Variants in SLC9A9 observed in about 807,000 individuals in gnomAD.
The protein encoded by SLC9A9 is sodium/hydrogen exchanger 9.
In SLC9A9, 62 loss-of-function variants were observed where a neutral mutation model predicts 77.8. The ratio of observed to expected loss-of-function variants is 0.80; its 90% CI spans 0.65 to 0.98. The LOEUF (loss-of-function observed/expected upper bound fraction) is 0.98. Among genes scored for constraint, SLC9A9 ranks in the 50% least tolerant of loss-of-function variants. The pLI is 0.00. For missense variants in SLC9A9, 775 were observed against 774.9 expected, an observed-to-expected ratio of 1.00 and a Z score of 0.00; for synonymous variants, 320 against 283.5, an observed-to-expected ratio of 1.13 and a Z score of -1.29.
intron 4 of SLC9A9, among the ~76,000 whole-genome samples, chr3:143,730,927 G>C (rs1438486036): frequency 6.6e-6 from 1 of 152,090 alleles, no homozygotes; most frequent in Non-Finnish European, 1.5e-5. Flanking sequence ...AAAAAATCTT[G>C]GCTCACATTG....
At chr3:143,318,348 G>T (rs2031300336) in intron 14 of SLC9A9, among the ~76,000 whole-genome samples, 1 of 152,150 alleles carries the variant, frequency 6.6e-6, no homozygotes, top group African/African-American at 2.4e-5. Context: ...AAATAGATAA[G>T]CAAGTATTTT....
chr3:143,486,343 T>C (rs1559936373), intron 11 of SLC9A9, among the ~76,000 whole-genome samples: 1 of 151,978 alleles, frequency 6.6e-6, no homozygotes, highest in Non-Finnish European at 1.5e-5. Flanking sequence ...TAATACTAAG[T>C]AGTAACTTGA....
chr3:143,521,594 T>G (rs757888579), intron 9 of SLC9A9, among the ~76,000 whole-genome samples: 2 of 152,166 alleles, frequency 1.3e-5, no homozygotes, highest in African/African-American at 4.8e-5. Context: ...TCTATACTTT[T>G]ATATTTGTTG....
intron 14 of SLC9A9, among the ~76,000 whole-genome samples, chr3:143,362,523 C>G (rs1308883381): frequency 6.6e-6 from 1 of 152,074 alleles, no homozygotes; most frequent in African/African-American, 2.4e-5. Context: ...CCTCCCCTCC[C>G]CTGTCCATTT....
intron 12 of SLC9A9, among the ~76,000 whole-genome samples, chr3:143,416,048 C>T (rs1393479348): frequency 6.6e-6 from 1 of 152,102 alleles, no homozygotes; most frequent in African/African-American, 2.4e-5. Flanking sequence ...GGAAGTAACA[C>T]AGATGTGGTA....
At chr3:143,653,527 G>A (rs1242063) in intron 5 of SLC9A9, among the ~76,000 whole-genome samples, 4,709 of 152,236 alleles carry the variant, frequency 0.031, 106 homozygotes, top group Middle Eastern at 0.089. Flanking sequence ...GTACAAAACA[G>A]TGCTACGAGG....
At chr3:143,811,713 T>G (rs2008870593) in intron 2 of SLC9A9, 1 of 454,502 alleles carries the variant, frequency 2.2e-6, no homozygotes, top group African/African-American at 2.0e-5. Context: ...AACAAAAAAA[T>G]TAGCCACGCA....
intron 4 of SLC9A9, among the ~76,000 whole-genome samples, chr3:143,781,695 T>C (rs1364727047): frequency 1.3e-5 from 2 of 152,172 alleles, no homozygotes; most frequent in Non-Finnish European, 2.9e-5. Context: ...AAAATAAAGA[T>C]TGTAGGAACC....
chr3:143,622,936 A>G (rs1373712718), intron 6 of SLC9A9, among the ~76,000 whole-genome samples: 1 of 152,206 alleles, frequency 6.6e-6, no homozygotes, highest in Non-Finnish European at 1.5e-5. Context: ...AAGCAAATGG[A>G]AAACAAAGAA....
intron 9 of SLC9A9, among the ~76,000 whole-genome samples, chr3:143,529,785 G>T (rs1015713108): frequency 1.3e-5 from 2 of 152,112 alleles, no homozygotes; most frequent in African/African-American, 2.4e-5. Flanking sequence ...GAAAAGAGAA[G>T]AATTGAAAAA....
At chr3:143,543,779 T>TTTTTTTTTTTGAGA (rs1188396721) in intron 9 of SLC9A9, among the ~76,000 whole-genome samples, 1 of 152,126 alleles carries the variant, frequency 6.6e-6, no homozygotes, top group Non-Finnish European at 1.5e-5. Context: ...ATTTTCTTTA[T>TTTTTTTTTTTGAGA]CCAGTCCACT....
rs1244057060 is a variant in SLC9A9 at position 143,280,823 on chromosome 3, A to C, written c.1605-11843T>G. ...CTGCCTTGGCCTCCCAAAGTGCTAG[A>C]ATTACAGGCATGAGCTACCGCGCCT... On this transcript the variant is annotated intron_variant, in intron 14 of 15. Coordinates refer to ENST00000316549, the MANE Select transcript of SLC9A9 (RefSeq NM_173653.4). Among the ~76,000 whole-genome samples, 3 of 152,098 alleles carry C rather than the reference A, an allele frequency of 2.0e-5. No individual in the cohort carries two copies. In the South Asian group the frequency reaches 6.2e-4, roughly 32 times the overall value.
chr3:143,281,091 T>C (rs1347069310), intron 14 of SLC9A9, among the ~76,000 whole-genome samples: 1 of 152,198 alleles, frequency 6.6e-6, no homozygotes, highest in Non-Finnish European at 1.5e-5. Flanking sequence ...GCTATGGTTA[T>C]AAAGGGATAG....
At chr3:143,784,072 G>A (rs767411181) in intron 4 of SLC9A9, among the ~76,000 whole-genome samples, 2 of 152,200 alleles carry the variant, frequency 1.3e-5, no homozygotes, top group Non-Finnish European at 2.9e-5. Context: ...CAGCAGAGAT[G>A]TTGCTGCAAT....
chr3:143,700,131 G>A (rs1185275169), intron 4 of SLC9A9, among the ~76,000 whole-genome samples: 5 of 151,848 alleles, frequency 3.3e-5, no homozygotes, highest in Non-Finnish European at 5.9e-5. Context: ...AGTACTGGCA[G>A]GACCCATCAT....
At chr3:143,659,865 G>A (rs558550008) in intron 5 of SLC9A9, among the ~76,000 whole-genome samples, 1 of 152,310 alleles carries the variant, frequency 6.6e-6, no homozygotes, top group Admixed American at 6.5e-5. Flanking sequence ...GACCCTGTGG[G>A]AGGTAATTAA....
At chr3:143,307,468 A>T (rs1341474042) in intron 14 of SLC9A9, among the ~76,000 whole-genome samples, 1 of 152,196 alleles carries the variant, frequency 6.6e-6, no homozygotes, top group Non-Finnish European at 1.5e-5. Context: ...TTATTTTTCA[A>T]ATGAGTACAT....
chr3:143,734,177 A>G lies in SLC9A9; in HGVS notation c.534-40870T>C, dbSNP rs144495590. ...GCACCACTGCACTCCAGCCTGGGCA[A>G]CAGAGTGAGACCTGTCTGTAAAGAA... On this transcript the variant is annotated intron_variant, in intron 4 of 15. Coordinates refer to ENST00000316549, the MANE Select transcript of SLC9A9 (RefSeq NM_173653.4). 1.3e-3 allele frequency among the ~76,000 whole-genome samples: 192 copies of G among 152,166 alleles called. 4 individuals carry two copies. In the East Asian group the frequency reaches 0.031, roughly 25 times the overall value.
At chr3:143,635,113 G>A (rs917130346) in intron 6 of SLC9A9, among the ~76,000 whole-genome samples, 1 of 152,148 alleles carries the variant, frequency 6.6e-6, no homozygotes, top group Non-Finnish European at 1.5e-5. Context: ...GCTCCACGTG[G>A]TATCAGCTGG....
Sources: allele counts gnomAD v4.1 joint callset (sites outside exome capture counted in the v4.1 genomes callset), GRCh38; gene constraint gnomAD v4.1.1; transcripts MANE v1.5; gene names NCBI Gene and HGNC (gene_info 2026-07-23, HGNC 2026-07-21).